The following ICAM1 variants were observed in gnomAD, a reference collection of about 807,000 sequenced individuals.
The protein encoded by ICAM1 is intercellular adhesion molecule 1.
A neutral mutation model predicts 42.3 loss-of-function variants in ICAM1; 28 were observed. The ratio of observed to expected loss-of-function variants is 0.66; its 90% CI spans 0.49 to 0.91. The LOEUF (loss-of-function observed/expected upper bound fraction) is 0.91, where lower values mean the gene tolerates loss of function less well. Ranked by LOEUF, ICAM1 falls within the 40% of genes least tolerant of loss-of-function variation. The pLI is 0.00. For synonymous variants in ICAM1, 304 were observed against 305.9 expected, an observed-to-expected ratio of 0.99 and a Z score of 0.07; for missense variants, 637 against 688.6, an observed-to-expected ratio of 0.93 and a Z score of 0.84.
rs964564309 is a variant in ICAM1, at chr19:10,284,258, T to A, written c.863T>A (p.Leu288Gln). 3.7e-6 allele frequency: 6 copies of A among 1,613,892 alleles called. No homozygotes were observed. The Admixed American group carries it at 1.0e-4, about 27-fold the overall frequency. The change falls in exon 4 of 7, where the codon CTG (leucine) becomes CAG (glutamine). Residue 288 changes from leucine to glutamine, a missense_variant. Transcript: ENST00000264832. The surrounding 1 kb of genome is among the most constrained non-coding windows in gnomAD (Gnocchi z 5.4). ...GCAGAGGACGAGGGCACCCAGCGGC[T>A]GACGTGTGCAGTAATACTGGGGAAC... ...VTAEDEGTQR[L>Q]TCAVILGNQS...
Position 10,285,449 on chromosome 19 carries a change from C to A in ICAM1, c.*162C>A. 1.6e-6 allele frequency: 1 copy of A among 644,702 alleles called. No individual in the cohort carries two copies. The highest frequency in any genetic ancestry group is 2.7e-6 in the Non-Finnish European group (1 of 371,532). 39.9% of individuals were successfully genotyped at this position (644,702 alleles called of 1,614,324 possible). On this transcript the variant is annotated 3_prime_UTR_variant, in exon 7 of 7. Coordinates refer to ENST00000264832, the MANE Select transcript of ICAM1 (RefSeq NM_000201.3). ...CAGTCAGATACAACAGCATTTGGGG[C>A]CATGGTACCTGCACACCTAAAACAC...
At position 10,283,591 on chromosome 19, in the gene ICAM1, G is replaced by A. The variant is rs201079272; in HGVS notation, c.442G>A (p.Val148Met). The A allele has an allele frequency of 6.2e-6, 10 of 1,613,962 alleles. No individual in the cohort carries two copies. Among genetic ancestry groups the A allele is most frequent in the South Asian group, 1.1e-5 (1 of 91,076 alleles). The change falls in exon 3 of 7, where the codon GTG (valine) becomes ATG (methionine). Residue 148 changes from valine to methionine, a missense_variant. Transcript: ENST00000264832. The stretch of plus-strand genomic sequence containing the variant: ...TGGGGCACCCCGGGCCAACCTCACC[G>A]TGGTGCTGCTCCGTGGGGAGAAGGA... The part of the protein sequence containing the change: ...EGGAPRANLT[V>M]VLLRGEKELK...
intron 1 of ICAM1, 53 bp downstream of exon 1, chr19:10,271,279 A>ACCGGCTC (rs2039978445): frequency 6.6e-7 from 1 of 1,519,060 alleles, no homozygotes; most frequent in Admixed American, 1.8e-5. Context: ...CCCCGGGAGG[A>ACCGGCTC]CCGGCTCCCG....
chr19:10,285,304 G>A lies in ICAM1; in HGVS notation c.*17G>A, dbSNP rs1344029659. ...CCTCCCTGAACCTATCCCGGGACAGGGCCTCTTCCTCGGCCTTCCCATATT... is the reference window on the plus strand; with the variant it reads ...CCTCCCTGAACCTATCCCGGGACAGAGCCTCTTCCTCGGCCTTCCCATATT... On this transcript the variant is annotated 3_prime_UTR_variant, in exon 7 of 7. Coordinates refer to ENST00000264832, the MANE Select transcript of ICAM1 (RefSeq NM_000201.3). 1 of 1,611,742 alleles carries A rather than the reference G, an allele frequency of 6.2e-7. No individual in the cohort carries two copies. Among genetic ancestry groups the A allele is most frequent in the South Asian group, 1.1e-5 (1 of 90,782 alleles).
chr19:10,284,083 G>A lies in ICAM1; in HGVS notation c.688G>A (p.Asp230Asn), dbSNP rs139607484. 3.5e-5 allele frequency: 56 copies of A among 1,613,890 alleles called. No homozygotes were observed. The highest frequency in any genetic ancestry group is 4.7e-5 in the Non-Finnish European group (55 of 1,180,014). ...TGTCAGCCCCCGGGTCCTAGAGGTGGACACGCAGGGGACCGTGGTCTGTTC... is the reference window on the plus strand; with the variant it reads ...TGTCAGCCCCCGGGTCCTAGAGGTGAACACGCAGGGGACCGTGGTCTGTTC... ...QLVSPRVLEV[D>N]TQGTVVCSLD... The change falls in exon 4 of 7, where the codon GAC (aspartate) becomes AAC (asparagine). Residue 230 changes from aspartate to asparagine, a missense_variant. By Grantham distance (23) the Asp-to-Asn change is conservative. Transcript: ENST00000264832. The surrounding 1 kb of genome is among the most constrained non-coding windows in gnomAD (Gnocchi z 5.4).
In ICAM1 at chr19:10,284,910, T is replaced by G; in HGVS notation, c.1308T>G (p.Thr436=). ...LPELKCLKDG[T]FPLPIGESVT... ...AGCTCAAGTGTCTAAAGGATGGCAC[T>G]TTCCCACTGCCCATCGGGGAATCAG... The change falls in exon 6 of 7, where the codon ACT becomes ACG. Residue 436 remains threonine, a synonymous_variant. Transcript: ENST00000264832. This position sits in a 1 kb window ranked among gnomAD's most constrained non-coding sequence, Gnocchi z 5.4. 6.2e-7 allele frequency: 1 copy of G among 1,604,204 alleles called. No individual in the cohort carries two copies.
chr19:10,284,430 C>T lies in ICAM1; in HGVS notation c.953C>T (p.Thr318Met), dbSNP rs1235964865. 14 of 1,613,708 alleles carry T rather than the reference C, an allele frequency of 8.7e-6. No homozygotes were observed. Among genetic ancestry groups the T allele is most frequent in the African/African-American group, 5.3e-5 (4 of 75,014 alleles). Residue 318 changes from threonine (T) to methionine (M), a missense_variant, in exon 5 of 7, where the codon ACG (threonine) becomes ATG (methionine). By Grantham distance (81) the Thr-to-Met change is moderately conservative. Coordinates refer to ENST00000264832, the MANE Select transcript of ICAM1 (RefSeq NM_000201.3). The surrounding 1 kb of genome is among the most constrained non-coding windows in gnomAD (Gnocchi z 5.4). ...YSFPAPNVILTKPEVSEGTEV... is the reference protein window; with the variant it reads ...YSFPAPNVILMKPEVSEGTEV... ...TTTCCGGCGCCCAACGTGATTCTGACGAAGCCAGAGGTCTCAGAAGGGACC... is the reference window on the plus strand; with the variant it reads ...TTTCCGGCGCCCAACGTGATTCTGATGAAGCCAGAGGTCTCAGAAGGGACC...
intron 2 of ICAM1, among the ~76,000 whole-genome samples, chr19:10,278,546 G>GTTTTTTTTT (rs1192848785): frequency 4.9e-5 from 4 of 82,460 alleles, no homozygotes; most frequent in African/African-American, 2.4e-4. Flanking sequence ...TGCCTGATAG[G>GTTTTTTTTT]TCTTTTTTTT....
intron 2 of ICAM1, 112 bp downstream of exon 2, chr19:10,275,140 G>C: frequency 9.0e-7 from 1 of 1,112,900 alleles, no homozygotes; most frequent in South Asian, 1.5e-5. Flanking sequence ...GGGTCAAGGA[G>C]GGGCTCCTTG....
chr19:10,275,058 A>G, intron 2 of ICAM1, 30 bp downstream of exon 2: 1 of 1,607,334 alleles, frequency 6.2e-7, no homozygotes, highest in South Asian at 1.1e-5. Context: ...GGGCTGGACT[A>G]GGCAGACCCG....
rs552075992 is a variant in ICAM1, at chr19:10,271,261, C to T, written c.67+35C>T. 14 of 1,595,692 alleles carry T rather than the reference C, an allele frequency of 8.8e-6. No individual in the cohort carries two copies. In the South Asian group the frequency reaches 1.4e-4, roughly 16 times the overall value. On this transcript the variant is annotated intron_variant, in intron 1 of 6. Coordinates refer to ENST00000264832, the MANE Select transcript of ICAM1 (RefSeq NM_000201.3). ...GGTGGGGATTGCCGTCGGGCCAGTT[C>T]TCCGAAGCCCCGGGAGGACCGGCTC...
chr19:10,284,635 G>A lies in ICAM1; in HGVS notation c.1158G>A (p.Gln386=). The A allele has an allele frequency of 6.2e-7, 1 of 1,614,134 alleles. No homozygotes were observed. The highest frequency in any genetic ancestry group is 8.5e-7 in the Non-Finnish European group (1 of 1,180,010). Residue 386 remains glutamine (Q), a synonymous_variant, in exon 5 of 7, where the codon CAG becomes CAA. Transcript: ENST00000264832. The surrounding 1 kb of genome is among the most constrained non-coding windows in gnomAD (Gnocchi z 5.4). The part of the protein sequence containing the change: ...EVAGQLIHKN[Q]TRELRVLYGP... ...CCGGCCAGCTTATACACAAGAACCAGACCCGGGAGCTTCGTGTCCTGTGTG... is the reference window on the plus strand; with the variant it reads ...CCGGCCAGCTTATACACAAGAACCAAACCCGGGAGCTTCGTGTCCTGTGTG...
At chr19:10,273,031 C>A (rs2145487907) in intron 1 of ICAM1, among the ~76,000 whole-genome samples, 1 of 152,196 alleles carries the variant, frequency 6.6e-6, no homozygotes, top group Non-Finnish European at 1.5e-5. Context: ...CTGTCTCCAC[C>A]TGACTTCTTA....
At chr19:10,283,440 G>T (rs765899525) in intron 2 of ICAM1, 41 bp from the exon 3 acceptor site, 1 of 1,510,962 alleles carries the variant, frequency 6.6e-7, no homozygotes, top group African/African-American at 1.4e-5. Context: ...CAGGCAGCAA[G>T]GTCCACTTCA....
intron 2 of ICAM1, among the ~76,000 whole-genome samples, chr19:10,281,090 G>A (rs1329755847): frequency 1.3e-5 from 2 of 149,952 alleles, no homozygotes; most frequent in African/African-American, 4.9e-5. Flanking sequence ...AGCCAGGATG[G>A]TCTTGATCTC....
In ICAM1 at chr19:10,283,466, T is replaced by A; in HGVS notation, c.332-15T>A. ...GTCCACTTCACCAGACACCCCCACC[T>A]CTGTTTTCCTGCAGGGACTCCAGAA... is the stretch of plus-strand genomic sequence containing the variant. On this transcript the variant is annotated splice_polypyrimidine_tract_variant and intron_variant, in intron 2 of 6. Transcript: ENST00000264832. 1 of 1,532,474 alleles carries A rather than the reference T, an allele frequency of 6.5e-7. No individual in the cohort carries two copies. The highest frequency in any genetic ancestry group is 8.8e-7 in the Non-Finnish European group (1 of 1,139,680). The allele number at this position is 1,532,474 out of a possible 1,614,324, so 94.9% of individuals were successfully genotyped here.
intron 1 of ICAM1, among the ~76,000 whole-genome samples, chr19:10,273,206 T>C (rs1475283563): frequency 6.6e-6 from 1 of 151,742 alleles, no homozygotes; most frequent in Non-Finnish European, 1.5e-5. Flanking sequence ...AAAAATGTTT[T>C]TCAGGGCCAG....
chr19:10,271,393 T>C (rs947662600), intron 1 of ICAM1, among the ~76,000 whole-genome samples, 167 bp downstream of exon 1: 18 of 151,836 alleles, frequency 1.2e-4, no homozygotes, highest in Admixed American at 9.9e-4. Context: ...CCTGCATACC[T>C]CCACGTGTGG....
intron 2 of ICAM1, among the ~76,000 whole-genome samples, chr19:10,280,547 G>GT (rs556867189): frequency 1.4e-3 from 202 of 143,868 alleles, no homozygotes; most frequent in East Asian, 2.4e-3. Context: ...AGCCCAGCTG[G>GT]TTTTTTTTTT....
Sources: allele counts gnomAD v4.1 joint callset (sites outside exome capture counted in the v4.1 genomes callset), GRCh38; gene constraint gnomAD v4.1.1; non-coding constraint Gnocchi (gnomAD v3.1); transcripts MANE v1.5; gene names NCBI Gene and HGNC (gene_info 2026-07-23, HGNC 2026-07-21).